Variants in MPDZ observed in about 807,000 individuals in gnomAD.
MPDZ encodes the protein multiple PDZ domain protein.
MPDZ carries 234 observed loss-of-function variants against 239.1 expected under a neutral mutation model. That is an observed-to-expected ratio of 0.98 (90% CI 0.88 to 1.09). The LOEUF is 1.09. Ranked by LOEUF, MPDZ falls within the 50% of genes least tolerant of loss-of-function variation. The pLI, the probability that MPDZ is intolerant of heterozygous loss-of-function variation, is 0.00. For missense variants in MPDZ, 3,175 were observed against 2,510.0 expected (o/e 1.26, Z -5.66); for synonymous variants, 1,048 against 881.3 (o/e 1.19, Z -3.35).
intron 21 of MPDZ, among the ~76,000 whole-genome samples, 175 bp downstream of exon 21, chr9:13,175,577 C>CA (rs916515399): frequency 5.3e-5 from 8 of 152,024 alleles, no homozygotes; most frequent in African/African-American, 1.4e-4. Flanking sequence ...ATGAAGTAAA[C>CA]AAACCTGTAA....
intron 21 of MPDZ, among the ~76,000 whole-genome samples, chr9:13,173,418 G>A (rs184171636): frequency 1.6e-3 from 239 of 152,062 alleles, no homozygotes; most frequent in Non-Finnish European, 2.4e-3. Flanking sequence ...AAATTGGTAA[G>A]CAGGCCGGGC....
chr9:13,168,387 G>A lies in MPDZ; in HGVS notation c.3233C>T (p.Ser1078Phe), dbSNP rs1347566879. 6.2e-7 allele frequency: 1 copy of A among 1,613,010 alleles called. No homozygotes were observed. The highest frequency in any genetic ancestry group is 8.5e-7 in the Non-Finnish European group (1 of 1,179,324). The change falls in exon 22 of 47, where the codon TCT becomes TTT. Residue 1078 changes from serine to phenylalanine, a missense_variant. Physicochemically the swap from Ser to Phe is radical, Grantham distance 155. Coordinates refer to ENST00000319217, the MANE Select transcript of MPDZ (RefSeq NM_001378778.1). ...AQARAMLRRH[S>F]LIGPDIKITY... is the part of the protein sequence containing the mutation. ...TTACTTTATGTCAGGGCCAATGAGA[G>A]AATGTCTTCTCAACATAGCTCGTGC...
At chr9:13,195,722 A>G (rs1370669469) in intron 13 of MPDZ, among the ~76,000 whole-genome samples, 1 of 152,194 alleles carries the variant, frequency 6.6e-6, no homozygotes, top group African/African-American at 2.4e-5. Flanking sequence ...GAAAGAGTAG[A>G]AAAGAGTCCT....
intron 24 of MPDZ, among the ~76,000 whole-genome samples, chr9:13,155,904 G>C (rs1036388411): frequency 6.6e-6 from 1 of 152,130 alleles, no homozygotes; most frequent in Non-Finnish European, 1.5e-5. Flanking sequence ...AGGATTTATG[G>C]AATCTTTGGA....
In MPDZ at chr9:13,250,331, G is replaced by A. The variant is rs1018724847; in HGVS notation, c.-16C>T. The A allele has an allele frequency of 1.5e-5, 23 of 1,584,236 alleles. No homozygotes were observed. Among genetic ancestry groups the A allele is most frequent in the Middle Eastern group, 1.7e-4 (1 of 6,010 alleles). ...CTTCCAACATTTTTTTCAAAGTTCAGTGTTCTTCTCTGAAATGATTAACAG... is the reference window on the plus strand; with the variant it reads ...CTTCCAACATTTTTTTCAAAGTTCAATGTTCTTCTCTGAAATGATTAACAG... On this transcript the variant is annotated 5_prime_UTR_variant, in exon 2 of 47. Transcript: ENST00000319217.
At chr9:13,242,647 C>T (rs576239017) in intron 3 of MPDZ, among the ~76,000 whole-genome samples, 165 of 151,612 alleles carry the variant, frequency 1.1e-3, no homozygotes, top group Non-Finnish European at 1.8e-3. Flanking sequence ...ATTAACCAAC[C>T]AACAAATAAA....
In MPDZ at chr9:13,252,495, G is replaced by A. The variant is rs565854635; in HGVS notation, c.-57-2123C>T. On this transcript the variant is annotated intron_variant, in intron 1 of 46. Coordinates refer to ENST00000319217, the MANE Select transcript of MPDZ (RefSeq NM_001378778.1). Reference sequence around the variant, plus strand: ...ACAGGAGAATCACTTGAACCAGGGAGGCGGAGGTTGCAGTGAGCCAAGATC... The same window carrying A: ...ACAGGAGAATCACTTGAACCAGGGAAGCGGAGGTTGCAGTGAGCCAAGATC... Among the ~76,000 whole-genome samples the A allele has an allele frequency of 5.7e-4, 87 of 151,418 alleles. No individual in the cohort carries two copies. In the South Asian group the frequency reaches 6.9e-3, roughly 12 times the overall value.
At chr9:13,132,525 T>C (rs917434607) in intron 32 of MPDZ, among the ~76,000 whole-genome samples, 4 of 152,094 alleles carry the variant, frequency 2.6e-5, no homozygotes, top group Admixed American at 2.0e-4. Context: ...AATGTGGAAA[T>C]AGATGTGGAA....
At chr9:13,235,866 A>G (rs1963805611) in intron 3 of MPDZ, among the ~76,000 whole-genome samples, 1 of 152,108 alleles carries the variant, frequency 6.6e-6, no homozygotes. Flanking sequence ...ACAAGGAAAT[A>G]AAGAGTATGT....
intron 12 of MPDZ, among the ~76,000 whole-genome samples, chr9:13,201,660 A>C (rs1410794607): frequency 6.6e-6 from 1 of 151,958 alleles, no homozygotes; most frequent in Non-Finnish European, 1.5e-5. Context: ...CATATGGTCT[A>C]TCTCCAAGCT....
intron 42 of MPDZ, 85 bp from the exon 43 acceptor site, chr9:13,112,231 C>A: frequency 7.5e-7 from 1 of 1,334,902 alleles, no homozygotes; most frequent in Non-Finnish European, 1.0e-6. Context: ...TATCTATAGT[C>A]AACTCTGATT....
intron 21 of MPDZ, among the ~76,000 whole-genome samples, chr9:13,169,799 G>A (rs1295494090): frequency 6.6e-6 from 1 of 152,146 alleles, no homozygotes. Flanking sequence ...TCCTTGCTTT[G>A]TGTTATGTCC....
At chr9:13,145,150 G>A (rs1189467241) in intron 26 of MPDZ, among the ~76,000 whole-genome samples, 2 of 152,124 alleles carry the variant, frequency 1.3e-5, no homozygotes, top group East Asian at 1.9e-4. Flanking sequence ...CACAGCAGAC[G>A]AAATGGTAGA....
chr9:13,172,652 G>C (rs764900867), intron 21 of MPDZ, among the ~76,000 whole-genome samples: 9 of 152,260 alleles, frequency 5.9e-5, no homozygotes, highest in Non-Finnish European at 1.3e-4. Context: ...CTCCCAAAGT[G>C]CTGGGATTAC....
At chr9:13,239,366 C>A (rs79827865) in intron 3 of MPDZ, among the ~76,000 whole-genome samples, 2 of 152,122 alleles carry the variant, frequency 1.3e-5, no homozygotes, top group African/African-American at 4.8e-5. Context: ...TCTATAACCC[C>A]ATTTCCCTAT....
In MPDZ at chr9:13,137,973, G is replaced by T. The variant is rs754622130; in HGVS notation, c.4184C>A (p.Ala1395Glu). 3.1e-6 allele frequency: 5 copies of T among 1,613,708 alleles called. No homozygotes were observed. The highest frequency in any genetic ancestry group is 4.2e-6 in the Non-Finnish European group (5 of 1,179,756). ...AAAACTTACCTCTAGAAGCTCATCT[G>T]CAATTTGCAATCGACCATCTTTTCC... ...AAGKDGRLQIADELLEINGQI... is the reference protein window; with the variant it reads ...AAGKDGRLQIEDELLEINGQI... The change falls in exon 29 of 47, where the codon GCA (alanine) becomes GAA (glutamate). Residue 1395 changes from alanine (A) to glutamate (E), a missense_variant. Ala to Glu is a moderately radical substitution (Grantham distance 107, BLOSUM62 -1). Coordinates refer to ENST00000319217, the MANE Select transcript of MPDZ (RefSeq NM_001378778.1).
rs1962705382 is a variant in MPDZ, at chr9:13,232,241, G to A, written c.184-7658C>T. Reference sequence around the variant, plus strand: ...AAGTGAACTTAGTAAGTTGGTGGATGTAAAATCAATACCAAAAAATAAACT... The same window carrying A: ...AAGTGAACTTAGTAAGTTGGTGGATATAAAATCAATACCAAAAAATAAACT... On this transcript the variant is annotated intron_variant, in intron 3 of 46. Transcript: ENST00000319217. Among the ~76,000 whole-genome samples, 3 of 152,124 alleles carry A rather than the reference G, an allele frequency of 2.0e-5. No homozygotes were observed. In the South Asian group the frequency reaches 6.2e-4, roughly 31 times the overall value.
chr9:13,162,220 C>T lies in MPDZ; in HGVS notation c.3359+471G>A, dbSNP rs936158623. Among the ~76,000 whole-genome samples the T allele has an allele frequency of 3.3e-5, 5 of 150,702 alleles. No homozygotes were observed. The East Asian group carries it at 9.8e-4, about 30-fold the overall frequency. ...TAGAGGCTGCAGTTAACTGTAATGG[C>T]ACCACTGTACTCTAGCCTGAGCAAC... On this transcript the variant is annotated intron_variant, in intron 23 of 46. Transcript: ENST00000319217.
At position 13,165,539 on chromosome 9, in the gene MPDZ, T is replaced by G. The variant is rs932868259; in HGVS notation, c.3255-2744A>C. On this transcript the variant is annotated intron_variant, in intron 22 of 46. Coordinates refer to ENST00000319217, the MANE Select transcript of MPDZ (RefSeq NM_001378778.1). The stretch of plus-strand genomic sequence containing the variant: ...GCTCCTGGTTGTTTTTTTTCCCCCT[T>G]TCCACCTCCCTCCCATCTACACCTC... 4.1e-6 allele frequency: 4 copies of G among 966,662 alleles called. No individual in the cohort carries two copies. In the Admixed American group the frequency reaches 7.2e-5, roughly 17 times the overall value. 59.9% of individuals were successfully genotyped at this position (966,662 alleles called of 1,614,324 possible).
Sources: allele counts gnomAD v4.1 joint callset (sites outside exome capture counted in the v4.1 genomes callset), GRCh38; gene constraint gnomAD v4.1.1; transcripts MANE v1.5; gene names NCBI Gene and HGNC (gene_info 2026-07-23, HGNC 2026-07-21).